Variants in CNGB3 observed in about 807,000 individuals in gnomAD.
CNGB3 encodes the protein cyclic nucleotide-gated channel beta-3.
CNGB3 carries 86 observed loss-of-function variants against 92.8 expected under a neutral mutation model. The ratio of observed to expected loss-of-function variants is 0.93; its 90% CI spans 0.78 to 1.11. The LOEUF (loss-of-function observed/expected upper bound fraction) is 1.11. Ranked by LOEUF, CNGB3 falls within the 50% of genes least tolerant of loss-of-function variation. The pLI is 0.00. For missense variants in CNGB3, 1,026 were observed against 956.8 expected, an observed-to-expected ratio of 1.07 and a Z score of -0.95; for synonymous variants, 333 against 332.7, an observed-to-expected ratio of 1.00 and a Z score of -0.01.
chr8:86,730,630 T>A (rs1825141175), intron 2 of CNGB3, among the ~76,000 whole-genome samples: 1 of 152,210 alleles, frequency 6.6e-6, no homozygotes, highest in African/African-American at 2.4e-5. Flanking sequence ...TAAATGAACA[T>A]TTGGAGTTAA....
intron 6 of CNGB3, chr8:86,658,133 G>A: frequency 1.9e-6 from 1 of 534,134 alleles, no homozygotes; most frequent in Admixed American, 2.4e-5. Context: ...CCTGGGACTA[G>A]GGCTGCTGCC....
chr8:86,725,868 G>A (rs2131671413), intron 3 of CNGB3, among the ~76,000 whole-genome samples: 1 of 152,238 alleles, frequency 6.6e-6, no homozygotes, highest in African/African-American at 2.4e-5. Flanking sequence ...ATCAATTATA[G>A]TTAAGCCATT....
intron 3 of CNGB3, among the ~76,000 whole-genome samples, chr8:86,699,502 G>GTATGTATTA (rs1290058637): frequency 6.6e-6 from 1 of 152,010 alleles, no homozygotes; most frequent in Non-Finnish European, 1.5e-5. Flanking sequence ...ACATAAAAAA[G>GTATGTATTA]ACTACTGAAT....
intron 15 of CNGB3, among the ~76,000 whole-genome samples, chr8:86,595,206 TG>T (rs1822143136): frequency 6.6e-6 from 1 of 152,230 alleles, no homozygotes; most frequent in Non-Finnish European, 1.5e-5. Flanking sequence ...ATGAAGTTAC[TG>T]CTGTTGTTTT....
At chr8:86,691,943 C>T (rs1824327048) in intron 3 of CNGB3, among the ~76,000 whole-genome samples, 1 of 152,108 alleles carries the variant, frequency 6.6e-6, no homozygotes, top group Non-Finnish European at 1.5e-5. Flanking sequence ...TTGTTCAGTT[C>T]AAATAATTTT....
intron 3 of CNGB3, among the ~76,000 whole-genome samples, chr8:86,693,242 T>G (rs1824353355): frequency 6.6e-6 from 1 of 152,014 alleles, no homozygotes; most frequent in Non-Finnish European, 1.5e-5. Context: ...TCCTGGGTGT[T>G]CTTCTAGCTT....
chr8:86,630,710 A>ATT (rs1424629696), intron 11 of CNGB3, among the ~76,000 whole-genome samples: 1 of 152,088 alleles, frequency 6.6e-6, no homozygotes, highest in African/African-American at 2.4e-5. Flanking sequence ...TACAAAAAAT[A>ATT]AATGAAGAAA....
intron 15 of CNGB3, among the ~76,000 whole-genome samples, chr8:86,589,803 A>C (rs1351952321): frequency 6.6e-6 from 1 of 151,932 alleles, no homozygotes; most frequent in East Asian, 1.9e-4. Context: ...TGCTGAAAAA[A>C]ATGTATATTC....
chr8:86,580,058 C>A (rs889798510), intron 15 of CNGB3, among the ~76,000 whole-genome samples: 6 of 152,056 alleles, frequency 3.9e-5, no homozygotes, highest in Non-Finnish European at 8.8e-5. Context: ...AGGAAACATA[C>A]GGTCATGGTG....
chr8:86,594,849 C>G (rs1822134966), intron 15 of CNGB3, among the ~76,000 whole-genome samples: 1 of 152,166 alleles, frequency 6.6e-6, no homozygotes, highest in South Asian at 2.1e-4. Flanking sequence ...GCTGGGATTA[C>G]CGGCACGTGC....
rs565496702 is a variant in CNGB3 at position 86,669,880 on chromosome 8, C to T, written c.493+1064G>A. ...ATATTGATTTTTTTTTTTTCGGAGT[C>T]TTGCTCTGTTGCCAGGCTGGAGTGC... On this transcript the variant is annotated intron_variant, in intron 4 of 17. Coordinates refer to ENST00000320005, the MANE Select transcript of CNGB3 (RefSeq NM_019098.5). Among the ~76,000 whole-genome samples the T allele has an allele frequency of 2.0e-5, 3 of 149,630 alleles. No homozygotes were observed. In the South Asian group the frequency reaches 6.3e-4, roughly 31 times the overall value.
intron 3 of CNGB3, among the ~76,000 whole-genome samples, chr8:86,701,510 A>G (rs1206206138): frequency 2.0e-5 from 3 of 152,212 alleles, no homozygotes; most frequent in Non-Finnish European, 4.4e-5. Flanking sequence ...TCTACATCAT[A>G]TCTAGATAAA....
intron 6 of CNGB3, chr8:86,658,254 C>A: frequency 1.9e-6 from 1 of 531,318 alleles, no homozygotes; most frequent in South Asian, 1.8e-5. Context: ...CTCCTCGGCA[C>A]TGGCCACAGC....
At chr8:86,736,755 A>C (rs1225016923) in intron 2 of CNGB3, among the ~76,000 whole-genome samples, 3 of 152,146 alleles carry the variant, frequency 2.0e-5, no homozygotes, top group Admixed American at 6.5e-5. Flanking sequence ...ACTGATAAAA[A>C]AAAAAGGCAA....
chr8:86,641,505 T>G (rs183878917), intron 10 of CNGB3, among the ~76,000 whole-genome samples: 2 of 152,070 alleles, frequency 1.3e-5, no homozygotes, highest in African/African-American at 2.4e-5. Flanking sequence ...TGATCTATTT[T>G]AAATTGTCCT....
chr8:86,626,125 T>C (rs1370137155), intron 12 of CNGB3, 45 bp from the exon 13 acceptor site: 1 of 1,452,630 alleles, frequency 6.9e-7, no homozygotes, highest in Admixed American at 1.7e-5. Context: ...GAATAATTAA[T>C]GAAATAAGTC....
intron 6 of CNGB3, among the ~76,000 whole-genome samples, chr8:86,664,699 T>A (rs1459616987): frequency 6.6e-6 from 1 of 152,194 alleles, no homozygotes. Flanking sequence ...GGGCACTGCA[T>A]TTGATCATGA....
intron 3 of CNGB3, among the ~76,000 whole-genome samples, chr8:86,672,135 G>A (rs1381593433): frequency 1.3e-5 from 2 of 152,104 alleles, no homozygotes; most frequent in Non-Finnish European, 1.5e-5. Flanking sequence ...GTCTCACGTT[G>A]TCGCCCAGGC....
At chr8:86,677,233 C>T (rs1823994073) in intron 3 of CNGB3, among the ~76,000 whole-genome samples, 1 of 152,088 alleles carries the variant, frequency 6.6e-6, no homozygotes, top group Non-Finnish European at 1.5e-5. Flanking sequence ...TTTAAGCCAC[C>T]CAGTTTGTGG....
Sources: gnomAD v4.1 joint callset for allele counts (sites outside exome capture counted in the v4.1 genomes callset) on GRCh38, gnomAD v4.1.1 for gene constraint, MANE v1.5 for transcripts, NCBI Gene and HGNC (gene_info 2026-07-23, HGNC 2026-07-21) for gene names.